The following TANC1 variants were observed in gnomAD, a reference collection of about 807,000 sequenced individuals.
The protein encoded by TANC1 is protein TANC1.
Under a neutral mutation model 149.7 loss-of-function variants are expected in TANC1, and 77 were observed. That is an observed-to-expected ratio of 0.51 (90% CI 0.43 to 0.62). The LOEUF (loss-of-function observed/expected upper bound fraction) is 0.62. Ranked by LOEUF, TANC1 falls within the 20% of genes least tolerant of loss-of-function variation. The pLI, the probability that TANC1 is intolerant of heterozygous loss-of-function variation, is 0.00. For missense variants in TANC1, 1,985 were observed against 2,321.8 expected (o/e 0.85, Z 2.98); for synonymous variants, 854 against 925.0 (o/e 0.92, Z 1.39).
At chr2:159,010,439 G>A (rs2149372875) in intron 2 of TANC1, among the ~76,000 whole-genome samples, 1 of 152,272 alleles carries the variant, frequency 6.6e-6, no homozygotes, top group South Asian at 2.1e-4. Flanking sequence ...GTGAATCAGG[G>A]AAAAGTTGTG....
chr2:159,041,576 C>T (rs937351393), intron 2 of TANC1, among the ~76,000 whole-genome samples: 5 of 152,198 alleles, frequency 3.3e-5, no homozygotes, highest in African/African-American at 9.7e-5. Context: ...TCTGTGGGAG[C>T]GGGACCCGCT....
At chr2:159,021,931 T>C (rs1377375078) in intron 2 of TANC1, among the ~76,000 whole-genome samples, 1 of 152,156 alleles carries the variant, frequency 6.6e-6, no homozygotes, top group Non-Finnish European at 1.5e-5. Flanking sequence ...TAAAGTCCCA[T>C]TTAAAAAATT....
At chr2:159,135,508 T>G (rs559976524) in intron 4 of TANC1, among the ~76,000 whole-genome samples, 2 of 152,356 alleles carry the variant, frequency 1.3e-5, no homozygotes, top group South Asian at 4.1e-4. Context: ...TCATTGTATG[T>G]GAGGGTTCCA....
At chr2:159,212,691 G>A (rs1431526116) in intron 19 of TANC1, among the ~76,000 whole-genome samples, 2 of 152,110 alleles carry the variant, frequency 1.3e-5, no homozygotes, top group Non-Finnish European at 2.9e-5. Context: ...GAAGGCCAAG[G>A]CAGGCAGATC....
chr2:159,207,236 G>C (rs1301174446), intron 19 of TANC1, among the ~76,000 whole-genome samples: 1 of 152,244 alleles, frequency 6.6e-6, no homozygotes, highest in Non-Finnish European at 1.5e-5. Flanking sequence ...AATTAGAGGG[G>C]AACACAATCC....
intron 17 of TANC1, among the ~76,000 whole-genome samples, chr2:159,195,921 G>A (rs2057810446): frequency 6.6e-6 from 1 of 152,218 alleles, no homozygotes; most frequent in South Asian, 2.1e-4. Context: ...CTGCTCCCAG[G>A]CCCAGTACTC....
chr2:159,094,269 C>T (rs1045933413), intron 3 of TANC1, among the ~76,000 whole-genome samples: 2 of 152,172 alleles, frequency 1.3e-5, no homozygotes, highest in East Asian at 1.9e-4. Flanking sequence ...CTCTTCAAAC[C>T]ACATGGAAAA....
intron 14 of TANC1, among the ~76,000 whole-genome samples, chr2:159,182,725 A>G (rs904163969): frequency 6.6e-6 from 1 of 152,170 alleles, no homozygotes; most frequent in Admixed American, 6.5e-5. Flanking sequence ...AAACAAGGAC[A>G]CTTAGTAGGT....
At chr2:159,202,107 G>T (rs1202127119) in intron 19 of TANC1, among the ~76,000 whole-genome samples, 4 of 152,220 alleles carry the variant, frequency 2.6e-5, no homozygotes, top group Non-Finnish European at 5.9e-5. Context: ...GAAGCATTGG[G>T]TTCTTGGTTA....
intron 2 of TANC1, among the ~76,000 whole-genome samples, chr2:159,016,134 G>A (rs1167043873): frequency 2.0e-5 from 3 of 152,204 alleles, no homozygotes; most frequent in Non-Finnish European, 4.4e-5. Flanking sequence ...GATTTAATTG[G>A]ACTTTTCCAT....
intron 24 of TANC1, chr2:159,227,512 C>A (rs1040157871): frequency 4.4e-5 from 14 of 321,244 alleles, no homozygotes; most frequent in African/African-American, 3.1e-4. Context: ...AAAATACATA[C>A]CAGAAGGTAA....
intron 3 of TANC1, among the ~76,000 whole-genome samples, chr2:159,089,108 G>C (rs2045263971): frequency 6.6e-6 from 1 of 152,118 alleles, no homozygotes; most frequent in South Asian, 2.1e-4. Flanking sequence ...CCAGGGTCAG[G>C]GGTTTGCTAT....
In TANC1 at chr2:159,219,240, T is replaced by G. The variant is rs1487768433; in HGVS notation, c.3381T>G (p.Ile1127Met). 1 of 1,614,126 alleles carries G rather than the reference T, an allele frequency of 6.2e-7. No homozygotes were observed. Among genetic ancestry groups the G allele is most frequent in the South Asian group, 1.1e-5 (1 of 91,076 alleles). ...GTAATTCCAAATGTCTCTTCCAGAT[T>G]GTTAGACTGCTGTTGGAACGCGGCT... is the stretch of plus-strand genomic sequence containing the variant. ...FCAARQGHWQIVRLLLERGCD... is the reference protein window; with the variant it reads ...FCAARQGHWQMVRLLLERGCD... Residue 1127 changes from isoleucine to methionine, a missense_variant and splice_region_variant, in exon 21 of 27, where the codon ATT becomes ATG. Physicochemically the swap from Ile to Met is conservative, Grantham distance 10. This residue lies in a region of TANC1 where 920 missense variants were observed against 994.7 expected (regional missense o/e 0.92). Coordinates refer to ENST00000263635, the MANE Select transcript of TANC1 (RefSeq NM_033394.3).
chr2:159,211,394 C>A (rs914862173), intron 19 of TANC1, among the ~76,000 whole-genome samples: 1 of 152,092 alleles, frequency 6.6e-6, no homozygotes, highest in African/African-American at 2.4e-5. Flanking sequence ...GTCTTTTTTT[C>A]TCCATCTTTG....
At chr2:159,118,198 C>G (rs149738309) in intron 4 of TANC1, among the ~76,000 whole-genome samples, 1 of 152,236 alleles carries the variant, frequency 6.6e-6, no homozygotes, top group African/African-American at 2.4e-5. Context: ...TGAAGTTATT[C>G]GTTTCCTTCC....
intron 2 of TANC1, among the ~76,000 whole-genome samples, chr2:159,052,241 T>C (rs1159252588): frequency 6.7e-6 from 1 of 149,582 alleles, no homozygotes; most frequent in Non-Finnish European, 1.5e-5. Context: ...ACATTGTCTG[T>C]CACAGTAAAT....
intron 1 of TANC1, among the ~76,000 whole-genome samples, chr2:158,984,588 G>C (rs2034794997): frequency 6.6e-6 from 1 of 152,178 alleles, no homozygotes; most frequent in African/African-American, 2.4e-5. Flanking sequence ...GCACTTCAGG[G>C]TTTGAGGCCC....
intron 4 of TANC1, among the ~76,000 whole-genome samples, chr2:159,114,797 C>T (rs1044396931): frequency 2.6e-5 from 4 of 152,156 alleles, no homozygotes. Flanking sequence ...TTCTCCTGGA[C>T]TTGTTTTGGT....
intron 10 of TANC1, among the ~76,000 whole-genome samples, chr2:159,171,871 A>AAAAAAAAAAAAAG (rs70994272): frequency 1.1e-4 from 12 of 105,592 alleles, no homozygotes; most frequent in Non-Finnish European, 1.4e-4. Flanking sequence ...AAAAAAAAAA[A>AAAAAAAAAAAAAG]AAAAGAAAAA....
Sources: gnomAD v4.1 joint callset for allele counts (sites outside exome capture counted in the v4.1 genomes callset) on GRCh38, gnomAD v4.1.1 for gene constraint, gnomAD v4.1.1 regional missense constraint, MANE v1.5 for transcripts, NCBI Gene and HGNC (gene_info 2026-07-23, HGNC 2026-07-21) for gene names.